SPATA17: variants seen among roughly 807,000 people sequenced by gnomAD.
SPATA17 encodes the protein spermatogenesis associated 17.
A neutral mutation model predicts 62.2 loss-of-function variants in SPATA17; 53 were observed. That is an observed-to-expected ratio of 0.85 (90% confidence interval 0.68 to 1.07). The LOEUF (loss-of-function observed/expected upper bound fraction) is 1.07. SPATA17 is among the 50% of genes least tolerant of loss of function. The probability of loss-of-function intolerance (pLI) is 0.00; values close to 1 mark genes in which losing one functional copy is unlikely to be tolerated. For synonymous variants in SPATA17, 146 were observed against 146.8 expected (o/e 0.99, Z 0.04); for missense variants, 466 against 425.5 (o/e 1.10, Z -0.84).
intron 1 of SPATA17, among the ~76,000 whole-genome samples, chr1:217,632,156 C>T (rs936764628): frequency 1.3e-5 from 2 of 151,910 alleles, no homozygotes; most frequent in African/African-American, 4.8e-5. Context: ...GCACTCCAGC[C>T]TGGGTGACAA....
At chr1:217,856,841 T>C (rs1180040714) in intron 9 of SPATA17, among the ~76,000 whole-genome samples, 2 of 152,212 alleles carry the variant, frequency 1.3e-5, no homozygotes. Flanking sequence ...GAGAGCAAAG[T>C]TTGATCTTGC....
intron 9 of SPATA17, among the ~76,000 whole-genome samples, chr1:217,816,693 A>C (rs1674725263): frequency 6.6e-6 from 1 of 152,076 alleles, no homozygotes; most frequent in South Asian, 2.1e-4. Flanking sequence ...AAATATTAAG[A>C]AGTTACTATC....
chr1:217,791,604 A>T (rs1168588125), intron 8 of SPATA17, among the ~76,000 whole-genome samples: 1 of 152,254 alleles, frequency 6.6e-6, no homozygotes, highest in Non-Finnish European at 1.5e-5. Flanking sequence ...TTAAGATTTT[A>T]AAAATCTATA....
intron 8 of SPATA17, among the ~76,000 whole-genome samples, chr1:217,789,730 T>C (rs1048714662): frequency 7.9e-5 from 12 of 151,578 alleles, no homozygotes; most frequent in Non-Finnish European, 1.6e-4. Context: ...AAAGAGAAAC[T>C]CTTTTCAAAA....
chr1:217,757,898 T>A (rs1030473068), intron 6 of SPATA17, among the ~76,000 whole-genome samples: 7 of 152,090 alleles, frequency 4.6e-5, no homozygotes, highest in African/African-American at 1.4e-4. Flanking sequence ...GTGGGAAAGG[T>A]CAGATGTTAA....
intron 4 of SPATA17, 39 bp from the exon 5 acceptor site, chr1:217,683,219 G>C (rs773348571): frequency 7.1e-7 from 1 of 1,409,146 alleles, no homozygotes; most frequent in Non-Finnish European, 9.8e-7. Context: ...TAATAAAAGT[G>C]TTTAATGGCA....
At chr1:217,698,201 G>T (rs1464946529) in intron 5 of SPATA17, among the ~76,000 whole-genome samples, 1 of 152,120 alleles carries the variant, frequency 6.6e-6, no homozygotes, top group Non-Finnish European at 1.5e-5. Flanking sequence ...CATTTTGGGA[G>T]GCTGAGGCGG....
At chr1:217,758,826 A>G (rs762872525) in intron 6 of SPATA17, among the ~76,000 whole-genome samples, 1 of 152,202 alleles carries the variant, frequency 6.6e-6, no homozygotes, top group Non-Finnish European at 1.5e-5. Flanking sequence ...AGAATATGAG[A>G]TAACTAACAG....
chr1:217,832,356 T>G (rs950071862), intron 9 of SPATA17, among the ~76,000 whole-genome samples: 16 of 152,152 alleles, frequency 1.1e-4, no homozygotes, highest in African/African-American at 3.4e-4. Flanking sequence ...CTAACATATT[T>G]TCTTTTTACC....
intron 5 of SPATA17, among the ~76,000 whole-genome samples, chr1:217,730,274 A>G (rs1305489369): frequency 1.3e-5 from 2 of 151,522 alleles, no homozygotes; most frequent in Non-Finnish European, 1.5e-5. Flanking sequence ...CTACAGTGCA[A>G]TGGCGTGATC....
intron 9 of SPATA17, among the ~76,000 whole-genome samples, chr1:217,835,796 C>A (rs1162908993): frequency 6.6e-6 from 1 of 152,084 alleles, no homozygotes; most frequent in African/African-American, 2.4e-5. Context: ...AAATATGCAA[C>A]TTCTCCGATT....
In SPATA17 at chr1:217,824,004, G is replaced by A. The variant is rs143535172; in HGVS notation, c.1005+22154G>A. ...GTTTGTTTCCTTACAGGTAAAGTAA[G>A]TCTCTTGTAAGCAGCTCATAGTTGT... On this transcript the variant is annotated intron_variant, in intron 9 of 10. Transcript: ENST00000366933. 2.2e-3 allele frequency among the ~76,000 whole-genome samples: 335 copies of A among 151,996 alleles called. 2 individuals are homozygous for A. Among genetic ancestry groups the A allele is most frequent in the African/African-American group, 6.7e-3 (277 of 41,504 alleles).
chr1:217,671,447 A>G (rs1670830632), intron 4 of SPATA17, among the ~76,000 whole-genome samples: 1 of 152,170 alleles, frequency 6.6e-6, no homozygotes, highest in South Asian at 2.1e-4. Flanking sequence ...TAACTTGCTT[A>G]TAAATTTCGT....
At chr1:217,723,927 G>T (rs959791019) in intron 5 of SPATA17, among the ~76,000 whole-genome samples, 2 of 152,214 alleles carry the variant, frequency 1.3e-5, no homozygotes, top group Non-Finnish European at 2.9e-5. Flanking sequence ...AGCTCAGCAT[G>T]TCTGCTGCCA....
chr1:217,822,754 A>G (rs182031243), intron 9 of SPATA17, among the ~76,000 whole-genome samples: 1,606 of 148,054 alleles, frequency 0.011, 32 homozygotes, highest in African/African-American at 0.038. Flanking sequence ...TGTTTGTACT[A>G]TGTTTTTTAA....
chr1:217,773,656 AT>A (rs1396597193), intron 6 of SPATA17, among the ~76,000 whole-genome samples: 4 of 152,208 alleles, frequency 2.6e-5, no homozygotes, highest in African/African-American at 9.6e-5. Flanking sequence ...TGACAAAGTC[AT>A]TGATAGAACA....
chr1:217,757,489 G>A (rs530123310), intron 6 of SPATA17, among the ~76,000 whole-genome samples: 3 of 152,306 alleles, frequency 2.0e-5, no homozygotes, highest in South Asian at 2.1e-4. Flanking sequence ...GTGCGGGGAA[G>A]GGGCTAAATT....
intron 1 of SPATA17, among the ~76,000 whole-genome samples, chr1:217,640,320 A>G (rs886376665): frequency 6.6e-6 from 1 of 152,268 alleles, no homozygotes; most frequent in South Asian, 2.1e-4. Flanking sequence ...CTGACAGCAT[A>G]ATTATATGTG....
intron 5 of SPATA17, among the ~76,000 whole-genome samples, chr1:217,740,130 C>A (rs565386088): frequency 8.2e-6 from 1 of 121,992 alleles, no homozygotes; most frequent in South Asian, 3.6e-4. Flanking sequence ...TTGTACCTTA[C>A]CCGTTCATAT....
Sources: allele counts gnomAD v4.1 joint callset (sites outside exome capture counted in the v4.1 genomes callset), GRCh38; gene constraint gnomAD v4.1.1; transcripts MANE v1.5; gene names NCBI Gene and HGNC (gene_info 2026-07-23, HGNC 2026-07-21).